Variants in SH3KBP1 observed in about 807,000 individuals in gnomAD.
SH3KBP1 encodes the protein SH3 domain-containing kinase-binding protein 1.
Under a neutral mutation model 50.1 loss-of-function variants are expected in SH3KBP1, and 8 were observed. The ratio of observed to expected loss-of-function variants is 0.16; its 90% CI spans 0.09 to 0.29. The LOEUF is 0.29. Among genes scored for constraint, SH3KBP1 ranks in the 10% least tolerant of loss-of-function variants. The probability of loss-of-function intolerance (pLI) is 1.00; values close to 1 mark genes in which losing one functional copy is unlikely to be tolerated. For missense variants in SH3KBP1, 377 were observed against 535.2 expected, an observed-to-expected ratio of 0.70 and a Z score of 2.92; for synonymous variants, 227 against 218.6, an observed-to-expected ratio of 1.04 and a Z score of -0.34.
chrX:19,636,270 T>C (rs1336391833), intron 7 of SH3KBP1, among the ~76,000 whole-genome samples: 1 of 110,661 alleles, frequency 9.0e-6, no homozygotes, highest in Admixed American at 9.6e-5. Context: ...CTAAATCAGT[T>C]CATAAGCCTT....
Position 19,678,930 on chromosome X carries a change from C to T in SH3KBP1, c.726+4893G>A, listed in dbSNP as rs1000921783. On this transcript the variant is annotated intron_variant, in intron 6 of 17. Transcript: ENST00000397821. ...CGAGTCTCACAAGACTCTTCATGAT[C>T]TGGGCCCTGCTTCTTTCCCCGCTTC... Among the ~76,000 whole-genome samples the T allele has an allele frequency of 2.7e-5, 3 of 111,938 alleles. No individual in the cohort carries two copies. The South Asian group carries it at 1.1e-3, about 42-fold the overall frequency.
intron 9 of SH3KBP1, among the ~76,000 whole-genome samples, chrX:19,599,985 A>G (rs1392645718): frequency 9.3e-6 from 1 of 107,960 alleles, no homozygotes; most frequent in East Asian, 2.9e-4. Context: ...AATACAAAAA[A>G]TTAGCCGGGC....
intron 9 of SH3KBP1, among the ~76,000 whole-genome samples, chrX:19,597,032 C>T (rs925985054): frequency 8.9e-6 from 1 of 111,796 alleles, no homozygotes; most frequent in Non-Finnish European, 1.9e-5. Context: ...GAATGGTGAG[C>T]CCTTTCCAGA....
At chrX:19,626,415 A>AAT (rs58605280) in intron 8 of SH3KBP1, among the ~76,000 whole-genome samples, 2 of 112,002 alleles carry the variant, frequency 1.8e-5, no homozygotes, top group Non-Finnish European at 3.8e-5. Flanking sequence ...TGAATGAATG[A>AAT]GTGAACGAAC....
intron 6 of SH3KBP1, among the ~76,000 whole-genome samples, chrX:19,667,185 G>T (rs1051438997): frequency 8.9e-6 from 1 of 111,992 alleles, no homozygotes; most frequent in Non-Finnish European, 1.9e-5. Context: ...TAGCTGCCGG[G>T]GTCAGGGGTA....
At chrX:19,737,935 C>T (rs1472703614) in intron 3 of SH3KBP1, among the ~76,000 whole-genome samples, 1 of 112,238 alleles carries the variant, frequency 8.9e-6, no homozygotes, top group East Asian at 2.8e-4. Context: ...TTTTTGACAG[C>T]GCAGGCTTAA....
At chrX:19,639,108 T>C (rs988490316) in intron 7 of SH3KBP1, among the ~76,000 whole-genome samples, 2 of 111,392 alleles carry the variant, frequency 1.8e-5, no homozygotes, top group Non-Finnish European at 3.8e-5. Context: ...CAAATGTCAA[T>C]ACTGCTGAGG....
At chrX:19,834,832 C>T (rs2068010389) in intron 2 of SH3KBP1, among the ~76,000 whole-genome samples, 1 of 110,147 alleles carries the variant, frequency 9.1e-6, no homozygotes, top group South Asian at 3.9e-4. Context: ...GAGTTTGAGA[C>T]CAGCCTGGCC....
chrX:19,740,329 A>G (rs1021797362), intron 3 of SH3KBP1, among the ~76,000 whole-genome samples: 7 of 112,015 alleles, frequency 6.2e-5, no homozygotes, highest in African/African-American at 2.3e-4. Flanking sequence ...AAATAAGACT[A>G]TAGATGCGTA....
intron 1 of SH3KBP1, among the ~76,000 whole-genome samples, chrX:19,850,556 C>T (rs1404202846): frequency 9.0e-6 from 1 of 111,647 alleles, no homozygotes; most frequent in African/African-American, 3.3e-5. Context: ...TGGACAAGGC[C>T]ACCTCTGCCA....
rs755504990 is a variant in SH3KBP1 at position 19,806,899 on chromosome X, A to G, written c.162+29226T>C. ...TTCATCAGAGGCTCCACTTTTAAGA[A>G]TACCTGTCCTTCTAATTAGTTCTCA... On this transcript the variant is annotated intron_variant, in intron 2 of 17. Coordinates refer to ENST00000397821, the MANE Select transcript of SH3KBP1 (RefSeq NM_031892.3). Among the ~76,000 whole-genome samples, 4 of 112,008 alleles carry G rather than the reference A, an allele frequency of 3.6e-5. No homozygotes were observed. The East Asian group carries it at 8.4e-4, about 24-fold the overall frequency.
At chrX:19,641,503 C>T (rs2061855212) in intron 7 of SH3KBP1, among the ~76,000 whole-genome samples, 2 of 111,721 alleles carry the variant, frequency 1.8e-5, no homozygotes, top group Non-Finnish European at 3.8e-5. Context: ...TTTCATATAG[C>T]GAATGGAACT....
chrX:19,834,838 T>C (rs765809465), intron 2 of SH3KBP1, among the ~76,000 whole-genome samples: 1 of 110,314 alleles, frequency 9.1e-6, no homozygotes, highest in South Asian at 3.9e-4. Context: ...GAGACCAGCC[T>C]GGCCAATATG....
intron 2 of SH3KBP1, among the ~76,000 whole-genome samples, chrX:19,765,944 C>T (rs183994983): frequency 5.4e-5 from 6 of 112,078 alleles, no homozygotes; most frequent in Non-Finnish European, 1.1e-4. Context: ...GTTGCTTCCA[C>T]CTTTTGCCTT....
chrX:19,603,583 A>C lies in SH3KBP1; in HGVS notation c.1005+4355T>G, dbSNP rs781527215. Among the ~76,000 whole-genome samples, 12 of 112,854 alleles carry C rather than the reference A, an allele frequency of 1.1e-4. No homozygotes were observed. In the East Asian group the frequency reaches 2.8e-3, roughly 26 times the overall value. On this transcript the variant is annotated intron_variant, in intron 9 of 17. Transcript: ENST00000397821. ...CTATGGGAATCTTAGCAATGCCATC[A>C]TTCTTGACTTGCACTAACACTGAAG...
chrX:19,666,291 T>C (rs766846157), intron 6 of SH3KBP1, among the ~76,000 whole-genome samples: 2 of 111,437 alleles, frequency 1.8e-5, no homozygotes, highest in East Asian at 5.6e-4. Flanking sequence ...GATAAATTCA[T>C]CTTTTTTCGA....
At chrX:19,686,084 C>A (rs376796523) in intron 5 of SH3KBP1, among the ~76,000 whole-genome samples, 2 of 111,607 alleles carry the variant, frequency 1.8e-5, no homozygotes, top group African/African-American at 6.5e-5. Context: ...AAATACTCTA[C>A]GTTACACAGA....
At chrX:19,746,249 C>T in intron 3 of SH3KBP1, 69 bp downstream of exon 3, 1 of 1,136,935 alleles carries the variant, frequency 8.8e-7, no homozygotes, top group South Asian at 1.9e-5. Context: ...TAAAGTTTGA[C>T]ACAGTTCACC....
intron 1 of SH3KBP1, among the ~76,000 whole-genome samples, chrX:19,870,830 A>T (rs1186654743): frequency 9.0e-6 from 1 of 111,373 alleles, no homozygotes; most frequent in Admixed American, 9.5e-5. Context: ...AACACAAAAG[A>T]CCGCACCAGA....
Sources: allele counts gnomAD v4.1 joint callset (sites outside exome capture counted in the v4.1 genomes callset), GRCh38; gene constraint gnomAD v4.1.1; transcripts MANE v1.5; gene names NCBI Gene and HGNC (gene_info 2026-07-23, HGNC 2026-07-21).